SPTAN1: variants seen among roughly 807,000 people sequenced by gnomAD.
SPTAN1 encodes spectrin alpha chain, non-erythrocytic 1.
SPTAN1 carries 61 observed loss-of-function variants against 331.3 expected under a neutral mutation model. The observed-to-expected ratio is 0.18, with a 90% confidence interval of 0.15 to 0.23. SPTAN1 has a LOEUF of 0.23. Among genes scored for constraint, SPTAN1 ranks in the 10% least tolerant of loss-of-function variants. The probability of loss-of-function intolerance (pLI) is 1.00; values close to 1 mark genes in which losing one functional copy is unlikely to be tolerated. For synonymous variants in SPTAN1, 1,153 were observed against 1,173.9 expected, an observed-to-expected ratio of 0.98 and a Z score of 0.36; for missense variants, 2,043 against 3,147.9, an observed-to-expected ratio of 0.65 and a Z score of 8.40.
At chr9:128,570,212 G>A (rs1850487532) in intron 3 of SPTAN1, among the ~76,000 whole-genome samples, 1 of 151,262 alleles carries the variant, frequency 6.6e-6, no homozygotes, top group East Asian at 1.9e-4. Context: ...CAGAGATCAA[G>A]TGTTTGGCTT....
intron 24 of SPTAN1, among the ~76,000 whole-genome samples, chr9:128,597,015 C>T (rs926558359): frequency 2.0e-5 from 3 of 152,156 alleles, no homozygotes; most frequent in Non-Finnish European, 4.4e-5. Flanking sequence ...CAAAAATTAG[C>T]TGGGCGTGGT....
At chr9:128,562,189 G>A (rs1327842644) in intron 1 of SPTAN1, among the ~76,000 whole-genome samples, 2 of 152,078 alleles carry the variant, frequency 1.3e-5, no homozygotes, top group African/African-American at 4.8e-5. Flanking sequence ...CACAACCTCC[G>A]CCTCTCAGGT....
intron 37 of SPTAN1, among the ~76,000 whole-genome samples, chr9:128,610,703 A>T (rs895190915): frequency 1.8e-4 from 27 of 151,828 alleles, no homozygotes; most frequent in African/African-American, 6.5e-4. Context: ...TTCTTTATGG[A>T]TTCATAAAAA....
At chr9:128,612,282 G>C (rs1856653904) in intron 39 of SPTAN1, 36 bp downstream of exon 39, 7 of 1,613,930 alleles carry the variant, frequency 4.3e-6, no homozygotes, top group Non-Finnish European at 5.9e-6. Context: ...ACCAGTGGGG[G>C]ATTTCTAGTC....
chr9:128,632,327 C>T lies in SPTAN1; in HGVS notation c.6959+4C>T, dbSNP rs902275859. The T allele has an allele frequency of 4.3e-6, 7 of 1,613,402 alleles. No homozygotes were observed. Among genetic ancestry groups the T allele is most frequent in the African/African-American group, 2.7e-5 (2 of 74,920 alleles). The stretch of plus-strand genomic sequence containing the variant: ...TGGAGCAGCAGATCCAGGCCAGGTA[C>T]CCGGGAGGGCTGTGGGCCAGGCTCA... On this transcript the variant is annotated splice_donor_region_variant and intron_variant, in intron 53 of 56. Coordinates refer to ENST00000372739, the MANE Select transcript of SPTAN1 (RefSeq NM_001130438.3).
At chr9:128,562,990 GTGTATA>G (rs1424728532) in intron 1 of SPTAN1, among the ~76,000 whole-genome samples, 7 of 1,794 alleles carry the variant, frequency 3.9e-3, no homozygotes, top group African/African-American at 5.4e-3. Flanking sequence ...ATACATGTAT[GTGTATA>G]TATATATATA....
Position 128,619,128 on chromosome 9 carries a change from A to C in SPTAN1, c.5733+125A>C, listed in dbSNP as rs1468863416. 9 of 1,402,632 alleles carry C rather than the reference A, an allele frequency of 6.4e-6. No individual in the cohort carries two copies. In the African/African-American group the frequency reaches 8.5e-5, roughly 13 times the overall value. 86.9% of individuals were successfully genotyped at this position (1,402,632 alleles called of 1,614,324 possible). Reference sequence around the variant, plus strand: ...GGAGAGCACACAGGGCCAGCAGCCAAGGCCTCAGTAGTTGGTTTTAGCCCT... The same window carrying C: ...GGAGAGCACACAGGGCCAGCAGCCACGGCCTCAGTAGTTGGTTTTAGCCCT... On this transcript the variant is annotated intron_variant, in intron 44 of 56. Coordinates refer to ENST00000372739, the MANE Select transcript of SPTAN1 (RefSeq NM_001130438.3).
chr9:128,579,603 G>C, intron 9 of SPTAN1, 34 bp from the exon 10 acceptor site: 1 of 1,534,822 alleles, frequency 6.5e-7, no homozygotes, highest in Middle Eastern at 1.7e-4. Context: ...AAGATGCTGG[G>C]CACAAATCAT....
chr9:128,569,005 T>G, intron 3 of SPTAN1, 108 bp downstream of exon 3: 1 of 1,483,872 alleles, frequency 6.7e-7, no homozygotes, highest in Non-Finnish European at 9.3e-7. Flanking sequence ...TTTCCAGCTT[T>G]TAAAAGAATT....
At chr9:128,586,073 A>G in intron 19 of SPTAN1, 108 bp downstream of exon 19, 2 of 519,382 alleles carry the variant, frequency 3.9e-6, no homozygotes, top group Non-Finnish European at 6.9e-6. Flanking sequence ...CATTACAGTG[A>G]TTGTTTTTTA....
chr9:128,614,903 A>AT (rs1856974069), intron 40 of SPTAN1, among the ~76,000 whole-genome samples: 1 of 152,174 alleles, frequency 6.6e-6, no homozygotes, highest in Admixed American at 6.5e-5. Context: ...TGATTTTGCA[A>AT]CATCATGCAT....
At chr9:128,600,627 A>G (rs969940965) in intron 27 of SPTAN1, among the ~76,000 whole-genome samples, 12 of 152,328 alleles carry the variant, frequency 7.9e-5, no homozygotes, top group Admixed American at 2.0e-4. Flanking sequence ...AGAATGGGCC[A>G]TCCCTGACCA....
chr9:128,630,891 G>A (rs912802870), intron 52 of SPTAN1, among the ~76,000 whole-genome samples: 11 of 152,114 alleles, frequency 7.2e-5, no homozygotes, highest in African/African-American at 2.7e-4. Flanking sequence ...TTTTAGTAGA[G>A]ACAGGGTTTC....
chr9:128,582,048 G>A lies in SPTAN1; in HGVS notation c.1572+156G>A, dbSNP rs2275259. On this transcript the variant is annotated intron_variant, in intron 12 of 56. Transcript: ENST00000372739. ...CACAAGGATGACATGCTATCTCGTT[G>A]AAGACATAATACAACTTTATGGAAA... 3,852 of 685,368 alleles carry A rather than the reference G, an allele frequency of 5.6e-3. 112 individuals are homozygous for A. The highest frequency in any genetic ancestry group is 0.055 in the East Asian group (2,048 of 37,316). 42.5% of individuals were successfully genotyped at this position (685,368 alleles called of 1,614,324 possible).
intron 40 of SPTAN1, among the ~76,000 whole-genome samples, chr9:128,613,937 G>A (rs1211787458): frequency 6.6e-6 from 1 of 151,612 alleles, no homozygotes; most frequent in African/African-American, 2.4e-5. Context: ...CCCAGGAGGC[G>A]GAGGTTGCGG....
At chr9:128,583,626 A>G (rs1376601174) in intron 15 of SPTAN1, among the ~76,000 whole-genome samples, 162 bp from the exon 16 acceptor site, 1 of 152,200 alleles carries the variant, frequency 6.6e-6, no homozygotes, top group Admixed American at 6.5e-5. Flanking sequence ...TTGAGAAGGT[A>G]GAGCAGAGGC....
rs752335613 is a variant in SPTAN1, at chr9:128,583,164, G to A, written c.1894G>A (p.Glu632Lys). 2 of 1,614,154 alleles carry A rather than the reference G, an allele frequency of 1.2e-6. No homozygotes were observed. Among genetic ancestry groups the A allele is most frequent in the Admixed American group, 1.7e-5 (1 of 60,014 alleles). Residue 632 changes from glutamate (E) to lysine (K), a missense_variant, in exon 15 of 57, where the codon GAG becomes AAG. Around this residue, in one of 12 missense-constraint regions of SPTAN1, gnomAD observed 1,038 missense variants for 1,531.5 expected, o/e 0.68. Coordinates refer to ENST00000372739, the MANE Select transcript of SPTAN1 (RefSeq NM_001130438.3). ...AAACCAGAGCCGAATTGATGCCTTG[G>A]AGAAAGCTGGCCAAAAGCTGATTGA... is the stretch of plus-strand genomic sequence containing the variant. ...SANQSRIDALEKAGQKLIDVN... is the reference protein window; with the variant it reads ...SANQSRIDALKKAGQKLIDVN...
chr9:128,559,068 G>C (rs753735712), intron 1 of SPTAN1, among the ~76,000 whole-genome samples: 3 of 152,118 alleles, frequency 2.0e-5, no homozygotes, highest in Non-Finnish European at 2.9e-5. Flanking sequence ...GCTGACTGCA[G>C]TGGGAGCACA....
In SPTAN1 at chr9:128,632,974, G is replaced by A. The variant is rs746241176; in HGVS notation, c.7308+19G>A. 6.2e-7 allele frequency: 1 copy of A among 1,609,398 alleles called. No homozygotes were observed. Among genetic ancestry groups the A allele is most frequent in the South Asian group, 1.1e-5 (1 of 91,088 alleles). ...CTACCAGGTATGGGCCTCAGGAGGT[G>A]GGTGAAGAGGTGTCCTTTGGAAAAC... is the stretch of plus-strand genomic sequence containing the variant. On this transcript the variant is annotated intron_variant, in intron 56 of 56. Coordinates refer to ENST00000372739, the MANE Select transcript of SPTAN1 (RefSeq NM_001130438.3).
Sources: gnomAD v4.1 joint callset for allele counts (sites outside exome capture counted in the v4.1 genomes callset) on GRCh38, gnomAD v4.1.1 for gene constraint, gnomAD v4.1.1 regional missense constraint, MANE v1.5 for transcripts, NCBI Gene and HGNC (gene_info 2026-07-23, HGNC 2026-07-21) for gene names.